The following AUTS2 variants were observed in gnomAD, a reference collection of about 807,000 sequenced individuals.
AUTS2 encodes the protein activator of transcription and developmental regulator AUTS2.
A neutral mutation model predicts 112.4 loss-of-function variants in AUTS2; 17 were observed. That is an observed-to-expected ratio of 0.15 (90% CI 0.10 to 0.23). The LOEUF is 0.23. Among genes scored for constraint, AUTS2 ranks in the 10% least tolerant of loss-of-function variants. The pLI, the probability that AUTS2 is intolerant of heterozygous loss-of-function variation, is 1.00. For missense variants in AUTS2, 1,510 were observed against 1,701.6 expected (o/e 0.89, Z 1.98); for synonymous variants, 751 against 702.7 (o/e 1.07, Z -1.09).
intron 1 of AUTS2, among the ~76,000 whole-genome samples, chr7:69,621,863 T>A (rs2129091870): frequency 6.6e-6 from 1 of 152,300 alleles, no homozygotes; most frequent in South Asian, 2.1e-4. Context: ...TCGCAGACTT[T>A]AGTATGATCT....
intron 1 of AUTS2, among the ~76,000 whole-genome samples, chr7:69,646,395 T>G (rs1795023031): frequency 6.6e-6 from 1 of 152,134 alleles, no homozygotes; most frequent in African/African-American, 2.4e-5. Context: ...CATTTCAGAG[T>G]GACTTAATTG....
At chr7:70,070,737 T>C (rs554728650) in intron 2 of AUTS2, among the ~76,000 whole-genome samples, 1 of 152,076 alleles carries the variant, frequency 6.6e-6, no homozygotes, top group South Asian at 2.1e-4. Flanking sequence ...ATGGTTGTGG[T>C]GGCACACACC....
intron 5 of AUTS2, among the ~76,000 whole-genome samples, chr7:70,439,384 A>G (rs1796028278): frequency 6.6e-6 from 1 of 151,152 alleles, no homozygotes; most frequent in Non-Finnish European, 1.5e-5. Flanking sequence ...CTAAAAATAC[A>G]AAAAATTAGC....
chr7:70,302,481 TAAAA>T (rs1293698900), intron 4 of AUTS2, among the ~76,000 whole-genome samples: 4 of 152,170 alleles, frequency 2.6e-5, no homozygotes, highest in Non-Finnish European at 5.9e-5. Flanking sequence ...TTATAGTCAT[TAAAA>T]AACACCATAA....
At chr7:70,257,909 C>T (rs961589181) in intron 4 of AUTS2, among the ~76,000 whole-genome samples, 38 of 152,138 alleles carry the variant, frequency 2.5e-4, no homozygotes, top group African/African-American at 5.1e-4. Flanking sequence ...CACTCATCCC[C>T]GACAGGGATT....
intron 4 of AUTS2, among the ~76,000 whole-genome samples, chr7:70,232,940 A>G (rs150287063): frequency 2.0e-5 from 3 of 152,302 alleles, no homozygotes; most frequent in African/African-American, 4.8e-5. Context: ...ATAGTATTTG[A>G]TTGAAGATTA....
intron 5 of AUTS2, among the ~76,000 whole-genome samples, chr7:70,502,346 C>T (rs936883403): frequency 3.3e-5 from 5 of 152,202 alleles, no homozygotes; most frequent in South Asian, 2.1e-4. Context: ...AACACACTAT[C>T]GACAGCAAAT....
At chr7:69,894,997 A>G (rs1794684935) in intron 1 of AUTS2, among the ~76,000 whole-genome samples, 2 of 152,076 alleles carry the variant, frequency 1.3e-5, no homozygotes, top group African/African-American at 4.8e-5. Flanking sequence ...GTTTTTTTAT[A>G]TACCAGATAA....
At chr7:69,998,992 G>A (rs1445171879) in intron 2 of AUTS2, among the ~76,000 whole-genome samples, 2 of 152,094 alleles carry the variant, frequency 1.3e-5, no homozygotes, top group African/African-American at 4.8e-5. Flanking sequence ...TTAGCGAGGA[G>A]GTCTGAGTGC....
intron 4 of AUTS2, among the ~76,000 whole-genome samples, chr7:70,157,461 ATTATTTATTTATTTGT>A (rs1335988105): frequency 6.6e-6 from 1 of 151,498 alleles, no homozygotes; most frequent in Non-Finnish European, 1.5e-5. Context: ...TTATTGTTTT[ATTATTTATTTATTTGT>A]TTATTTATTT....
At chr7:69,772,004 C>G (rs1442576350) in intron 1 of AUTS2, among the ~76,000 whole-genome samples, 1 of 152,042 alleles carries the variant, frequency 6.6e-6, no homozygotes, top group Non-Finnish European at 1.5e-5. Context: ...AGGCTGGTCT[C>G]GAACTCTTGA....
At position 70,170,951 on chromosome 7, in the gene AUTS2, G is replaced by A. The variant is rs142366860; in HGVS notation, c.660+36380G>A. Among the ~76,000 whole-genome samples the A allele has an allele frequency of 6.9e-3, 1,051 of 152,186 alleles. 7 individuals are homozygous for A. Among genetic ancestry groups the A allele is most frequent in the Middle Eastern group, 0.01 (3 of 294 alleles). ...CTCTATTTAATTCCCTTGCTTGCAC[G>A]TTGAATAGATCTAAATGACTGGGGG... On this transcript the variant is annotated intron_variant, in intron 4 of 18. Coordinates refer to ENST00000342771, the MANE Select transcript of AUTS2 (RefSeq NM_015570.4).
rs187378106 is a variant in AUTS2 at position 70,626,478 on chromosome 7, A to G, written c.691-72091A>G. 2.2e-4 allele frequency among the ~76,000 whole-genome samples: 33 copies of G among 152,066 alleles called. No homozygotes were observed. In the East Asian group the frequency reaches 5.8e-3, roughly 27 times the overall value. On this transcript the variant is annotated intron_variant, in intron 5 of 18. Coordinates refer to ENST00000342771, the MANE Select transcript of AUTS2 (RefSeq NM_015570.4). ...TAATCTCTAGGGCTAGGTACCAGACAATGAAATATATTTTTTAAATAACTC... is the reference window on the plus strand; with the variant it reads ...TAATCTCTAGGGCTAGGTACCAGACGATGAAATATATTTTTTAAATAACTC...
At chr7:70,597,311 G>A (rs1803255773) in intron 5 of AUTS2, among the ~76,000 whole-genome samples, 1 of 152,228 alleles carries the variant, frequency 6.6e-6, no homozygotes, top group Non-Finnish European at 1.5e-5. Flanking sequence ...AGATACCAGA[G>A]CTCCCTCTCT....
At chr7:70,528,405 G>A (rs1031114513) in intron 5 of AUTS2, among the ~76,000 whole-genome samples, 1 of 152,120 alleles carries the variant, frequency 6.6e-6, no homozygotes, top group South Asian at 2.1e-4. Context: ...TCAGAGGTGG[G>A]GAGACAGAGG....
chr7:70,569,218 C>T (rs1460326806), intron 5 of AUTS2, among the ~76,000 whole-genome samples: 2 of 152,218 alleles, frequency 1.3e-5, no homozygotes, highest in Admixed American at 1.3e-4. Context: ...AAACAGGCAG[C>T]CAGCACGTTA....
chr7:70,043,183 A>G (rs986840084), intron 2 of AUTS2, among the ~76,000 whole-genome samples: 1 of 152,206 alleles, frequency 6.6e-6, no homozygotes, highest in Non-Finnish European at 1.5e-5. Flanking sequence ...GTCATTATGC[A>G]TAAATGGGGC....
At chr7:70,021,216 A>G (rs1800257709) in intron 2 of AUTS2, among the ~76,000 whole-genome samples, 1 of 152,130 alleles carries the variant, frequency 6.6e-6, no homozygotes, top group Non-Finnish European at 1.5e-5. Flanking sequence ...TCCTGACCTC[A>G]GGTGATCCGC....
intron 1 of AUTS2, among the ~76,000 whole-genome samples, chr7:69,716,061 C>G (rs889361036): frequency 2.0e-5 from 3 of 152,268 alleles, no homozygotes; most frequent in South Asian, 2.1e-4. Context: ...TCGCCAAATC[C>G]TTCTCTAATT....
Sources: allele counts gnomAD v4.1 joint callset (sites outside exome capture counted in the v4.1 genomes callset), GRCh38; gene constraint gnomAD v4.1.1; transcripts MANE v1.5; gene names NCBI Gene and HGNC (gene_info 2026-07-23, HGNC 2026-07-21).